NLGN1: variants seen among roughly 807,000 people sequenced by gnomAD.
NLGN1 encodes neuroligin 1, also known as neuroligin-1.
NLGN1 carries 12 observed loss-of-function variants against 65.5 expected under a neutral mutation model. The observed-to-expected ratio is 0.18, with a 90% CI of 0.12 to 0.30. NLGN1 has a LOEUF of 0.30. Ranked by LOEUF, NLGN1 falls within the 10% of genes least tolerant of loss-of-function variation. NLGN1 has a pLI of 1.00. For missense variants in NLGN1, 750 were observed against 1,007.1 expected (o/e 0.74, Z 3.46); for synonymous variants, 350 against 359.5 (o/e 0.97, Z 0.30).
Position 173,458,624 on chromosome 3 carries a change from C to T in NLGN1, c.-321+23546C>T, listed in dbSNP as rs536586229. On this transcript the variant is annotated intron_variant, in intron 2 of 6. Transcript: ENST00000457714. ...TTCTCATCCAAGAGCAGTCTAACCT[C>T]TGTTTCCAGTTCCTCATCACCCACT... Among the ~76,000 whole-genome samples, 7 of 152,246 alleles carry T rather than the reference C, an allele frequency of 4.6e-5. No individual in the cohort carries two copies. In the South Asian group the frequency reaches 6.2e-4, roughly 14 times the overall value.
intron 3 of NLGN1, among the ~76,000 whole-genome samples, chr3:173,772,743 A>G (rs957031506): frequency 6.6e-6 from 1 of 152,168 alleles, no homozygotes; most frequent in African/African-American, 2.4e-5. Context: ...GGAGAATGGG[A>G]TGTGGTGGTC....
At chr3:173,738,096 T>A (rs1774066380) in intron 3 of NLGN1, among the ~76,000 whole-genome samples, 1 of 152,094 alleles carries the variant, frequency 6.6e-6, no homozygotes, top group Admixed American at 6.6e-5. Flanking sequence ...TAAAATTTTT[T>A]TTTAAATTTT....
chr3:173,707,246 C>A (rs1768182690), intron 3 of NLGN1, among the ~76,000 whole-genome samples: 1 of 152,058 alleles, frequency 6.6e-6, no homozygotes, highest in African/African-American at 2.4e-5. Context: ...TTGTTGTCTG[C>A]CACAAAAGGA....
At chr3:173,957,904 A>G (rs1279380911) in intron 4 of NLGN1, among the ~76,000 whole-genome samples, 3 of 152,164 alleles carry the variant, frequency 2.0e-5, no homozygotes, top group Non-Finnish European at 2.9e-5. Context: ...TGCCAAGATG[A>G]GTTAAGTGTG....
chr3:174,049,784 G>C (rs1300537718), intron 4 of NLGN1, among the ~76,000 whole-genome samples: 1 of 152,092 alleles, frequency 6.6e-6, no homozygotes, highest in African/African-American at 2.4e-5. Context: ...ACAGAATGAT[G>C]GATGTGCCTA....
At chr3:174,004,474 C>CT (rs971293991) in intron 4 of NLGN1, among the ~76,000 whole-genome samples, 3 of 152,020 alleles carry the variant, frequency 2.0e-5, no homozygotes, top group African/African-American at 4.8e-5. Flanking sequence ...TTTTATATAT[C>CT]TTTTTTTATC....
intron 4 of NLGN1, among the ~76,000 whole-genome samples, chr3:173,824,628 G>A (rs1385868912): frequency 6.6e-6 from 1 of 151,976 alleles, no homozygotes; most frequent in Admixed American, 6.6e-5. Context: ...AACCAGGAAA[G>A]GGTATGTATA....
chr3:173,697,653 G>T (rs1457317530), intron 3 of NLGN1, among the ~76,000 whole-genome samples: 1 of 152,006 alleles, frequency 6.6e-6, no homozygotes, highest in Non-Finnish European at 1.5e-5. Flanking sequence ...TCAGCCTCCT[G>T]AGTAGCTGGG....
At chr3:173,935,620 ACACT>A (rs748902583) in intron 4 of NLGN1, among the ~76,000 whole-genome samples, 5,526 of 116,184 alleles carry the variant, frequency 0.048, 90 homozygotes, top group Non-Finnish European at 0.07. Context: ...ACACACACAC[ACACT>A]CTCTCTCTCT....
At chr3:174,071,774 G>C (rs1204280233) in intron 4 of NLGN1, among the ~76,000 whole-genome samples, 1 of 150,922 alleles carries the variant, frequency 6.6e-6, no homozygotes, top group South Asian at 2.1e-4. Flanking sequence ...AATCTGACAA[G>C]TGAATAAGAA....
chr3:173,473,565 T>C (rs893293428), intron 2 of NLGN1, among the ~76,000 whole-genome samples: 2 of 152,146 alleles, frequency 1.3e-5, no homozygotes, highest in South Asian at 4.1e-4. Flanking sequence ...ACTGTGTGCT[T>C]TGGGTAGTAC....
At chr3:173,846,711 T>A (rs1481370324) in intron 4 of NLGN1, among the ~76,000 whole-genome samples, 1 of 152,162 alleles carries the variant, frequency 6.6e-6, no homozygotes, top group Admixed American at 6.5e-5. Context: ...AATCGAGATA[T>A]GGAAAGATTA....
chr3:173,421,939 G>A (rs377494797), intron 1 of NLGN1, among the ~76,000 whole-genome samples: 8 of 151,904 alleles, frequency 5.3e-5, no homozygotes, highest in East Asian at 1.9e-4. Context: ...GATACATAAC[G>A]ATTTTACATA....
At chr3:173,482,938 T>C (rs749877917) in intron 2 of NLGN1, among the ~76,000 whole-genome samples, 14 of 152,032 alleles carry the variant, frequency 9.2e-5, no homozygotes, top group Admixed American at 2.0e-4. Flanking sequence ...TTCTCATTGG[T>C]AGGAATAAAA....
intron 3 of NLGN1, chr3:173,685,530 A>G (rs965262263): frequency 2.5e-6 from 1 of 401,744 alleles, no homozygotes; most frequent in African/African-American, 2.2e-5. Flanking sequence ...GTTGTACCTC[A>G]GCCCCTGCAT....
At chr3:173,879,835 T>C (rs1732883248) in intron 4 of NLGN1, among the ~76,000 whole-genome samples, 1 of 152,174 alleles carries the variant, frequency 6.6e-6, no homozygotes, top group Non-Finnish European at 1.5e-5. Flanking sequence ...TTTGAGACAG[T>C]TGTTCCAATA....
At position 174,235,887 on chromosome 3, in the gene NLGN1, A is replaced by G. The variant is rs114365362; in HGVS notation, c.647-39428A>G. On this transcript the variant is annotated intron_variant, in intron 4 of 6. Coordinates refer to ENST00000457714, the Ensembl canonical transcript of NLGN1. ...AAGCTCTTTAAAACTCCACAACTCC[A>G]ATTCCCCTCACGCTTCTTTATTATC... is the stretch of plus-strand genomic sequence containing the variant. Among the ~76,000 whole-genome samples, 458 of 151,312 alleles carry G rather than the reference A, an allele frequency of 3.0e-3. 1 individual carries two copies. Among genetic ancestry groups the G allele is most frequent in the African/African-American group, 0.011 (434 of 40,858 alleles).
chr3:173,584,180 C>G (rs1746870896), intron 2 of NLGN1, among the ~76,000 whole-genome samples: 1 of 148,354 alleles, frequency 6.7e-6, no homozygotes, highest in African/African-American at 2.5e-5. Flanking sequence ...ATATACTATT[C>G]ATGTTAATTG....
chr3:174,016,601 ACT>A (rs1312593523), intron 4 of NLGN1, among the ~76,000 whole-genome samples: 1 of 152,122 alleles, frequency 6.6e-6, no homozygotes, highest in African/African-American at 2.4e-5. Context: ...AAATGACAGC[ACT>A]CTCTGTAGAT....
Sources: gnomAD v4.1 joint callset for allele counts (sites outside exome capture counted in the v4.1 genomes callset) on GRCh38, gnomAD v4.1.1 for gene constraint, MANE v1.5 for transcripts, NCBI Gene and HGNC (gene_info 2026-07-23, HGNC 2026-07-21) for gene names.